The following LRP2 variants were observed in gnomAD, a reference collection of about 807,000 sequenced individuals.
LRP2 encodes the protein LDL receptor related protein 2.
Under a neutral mutation model 531.0 loss-of-function variants are expected in LRP2, and 172 were observed. That is an observed-to-expected ratio of 0.32 (90% confidence interval 0.29 to 0.37). The LOEUF is 0.37. Among genes scored for constraint, LRP2 ranks in the 10% least tolerant of loss-of-function variants. LRP2 has a pLI of 1.00. For synonymous variants in LRP2, 1,992 were observed against 2,027.6 expected (o/e 0.98, Z 0.47); for missense variants, 5,167 against 5,868.3 (o/e 0.88, Z 3.90).
chr2:169,297,095 C>G (rs73028116), intron 4 of LRP2, among the ~76,000 whole-genome samples: 2,965 of 152,232 alleles, frequency 0.019, 106 homozygotes, highest in African/African-American at 0.068. Context: ...ACTGAAAATA[C>G]CTGAAAATCT....
chr2:169,173,905 C>T lies in LRP2; in HGVS notation c.11014+14G>A, dbSNP rs757389515. 2 of 1,614,004 alleles carry T rather than the reference C, an allele frequency of 1.2e-6. No individual in the cohort carries two copies. Among genetic ancestry groups the T allele is most frequent in the Non-Finnish European group, 1.7e-6 (2 of 1,180,008 alleles). On this transcript the variant is annotated intron_variant, in intron 56 of 78. Transcript: ENST00000649046. ...CTGCTCTGGTCATGCCTTGGTCCTC[C>T]CACAGGAACTTACTGCATTCTTCAA...
At chr2:169,343,081 A>C (rs556600874) in intron 1 of LRP2, among the ~76,000 whole-genome samples, 1 of 152,294 alleles carries the variant, frequency 6.6e-6, no homozygotes, top group South Asian at 2.1e-4. Flanking sequence ...ACTCAGACCC[A>C]TGCTTCCATC....
intron 1 of LRP2, among the ~76,000 whole-genome samples, chr2:169,348,635 A>G (rs1685760178): frequency 6.6e-6 from 1 of 152,240 alleles, no homozygotes; most frequent in African/African-American, 2.4e-5. Context: ...ACTTTGGCTT[A>G]TCTTTTTGTA....
At chr2:169,340,019 A>G (rs1685521471) in intron 1 of LRP2, among the ~76,000 whole-genome samples, 1 of 152,152 alleles carries the variant, frequency 6.6e-6, no homozygotes, top group Non-Finnish European at 1.5e-5. Context: ...GTGACCCTAA[A>G]GTCAAATTCC....
Position 169,162,487 on chromosome 2 carries a change from C to T in LRP2, c.11872G>A (p.Asp3958Asn). ...GTTTACTTACTGCAACCCAGTTCAT[C>T]GGACCAGTCACCACAGTCATCGGCA... ...DDADDCGDWSDELGCNKGKER... is the reference protein window; with the variant it reads ...DDADDCGDWSNELGCNKGKER... The change falls in exon 63 of 79, where the codon GAT (aspartate) becomes AAT (asparagine). Residue 3958 changes from aspartate (D) to asparagine (N), a missense_variant. Asp to Asn is a conservative substitution (Grantham distance 23). This residue lies in a region of LRP2 where 564 missense variants were observed against 747.7 expected (regional missense o/e 0.75). Coordinates refer to ENST00000649046, the MANE Select transcript of LRP2 (RefSeq NM_004525.3). 4 of 1,614,136 alleles carry T rather than the reference C, an allele frequency of 2.5e-6. No individual in the cohort carries two copies. Among genetic ancestry groups the T allele is most frequent in the Non-Finnish European group, 3.4e-6 (4 of 1,180,000 alleles).
chr2:169,199,046 A>C (rs2105321782), intron 44 of LRP2, 135 bp from the exon 45 acceptor site: 1 of 811,058 alleles, frequency 1.2e-6, no homozygotes, highest in Admixed American at 2.1e-5. Flanking sequence ...TCAGAAAGGC[A>C]GGATCCATGA....
chr2:169,317,123 T>G (rs139246529), intron 3 of LRP2, among the ~76,000 whole-genome samples: 2 of 152,216 alleles, frequency 1.3e-5, no homozygotes, highest in East Asian at 3.8e-4. Context: ...AAATGTATAG[T>G]CATTTAAAAT....
chr2:169,153,855 T>G (rs1236870276), intron 66 of LRP2, among the ~76,000 whole-genome samples: 2 of 152,190 alleles, frequency 1.3e-5, no homozygotes, highest in African/African-American at 4.8e-5. Flanking sequence ...ATCTTTTTCC[T>G]TCATTCAACT....
chr2:169,238,008 G>T, intron 27 of LRP2, 83 bp downstream of exon 27: 2 of 1,142,324 alleles, frequency 1.8e-6, no homozygotes, highest in South Asian at 2.5e-5. Context: ...ATGAGGTAGG[G>T]CCTTCTCTCA....
rs199632175 is a variant in LRP2, at chr2:169,261,190, AT to A, written c.2321-1974del. On this transcript the variant is annotated intron_variant, in intron 16 of 78. Transcript: ENST00000649046. ...ACATGGAGTGAAGGGTAAGTTGCAT[AT>A]TTTTTAGGATGGGAGAAACTTGAGC... Among the ~76,000 whole-genome samples the A allele has an allele frequency of 3.0e-4, 45 of 152,092 alleles. No homozygotes were observed. In the East Asian group the frequency reaches 8.6e-3, roughly 29 times the overall value.
intron 12 of LRP2, 111 bp downstream of exon 12, chr2:169,279,261 G>T: frequency 1.2e-6 from 1 of 810,358 alleles, no homozygotes; most frequent in Non-Finnish European, 2.1e-6. Flanking sequence ...AGAGTATACA[G>T]CCTAAAAGAA....
At chr2:169,170,525 T>C (rs746898902) in intron 59 of LRP2, 26 bp downstream of exon 59, 8 of 1,576,176 alleles carry the variant, frequency 5.1e-6, no homozygotes, top group Admixed American at 1.7e-5. Context: ...CAAAATTCTA[T>C]GGTAAGCTTC....
At chr2:169,212,549 C>A (rs1423551693) in intron 36 of LRP2, among the ~76,000 whole-genome samples, 3 of 151,962 alleles carry the variant, frequency 2.0e-5, no homozygotes, top group Admixed American at 6.6e-5. Context: ...GTTACATGAT[C>A]AATAATGTGA....
chr2:169,198,993 T>C, intron 44 of LRP2, 82 bp from the exon 45 acceptor site: 2 of 1,465,742 alleles, frequency 1.4e-6, no homozygotes, highest in Admixed American at 3.6e-5. Context: ...AACACATCTA[T>C]TGTGGAACTC....
chr2:169,224,130 C>T (rs974229612), intron 33 of LRP2, among the ~76,000 whole-genome samples: 1 of 152,152 alleles, frequency 6.6e-6, no homozygotes, highest in Non-Finnish European at 1.5e-5. Context: ...TAGATAGGTG[C>T]TCTAAATTAG....
At chr2:169,300,613 G>A (rs1475400349) in intron 4 of LRP2, among the ~76,000 whole-genome samples, 1 of 152,092 alleles carries the variant, frequency 6.6e-6, no homozygotes, top group Non-Finnish European at 1.5e-5. Context: ...TTTAAAGATG[G>A]GGGATATTTA....
chr2:169,164,792 G>A (rs1408522492), intron 62 of LRP2, among the ~76,000 whole-genome samples: 1 of 152,144 alleles, frequency 6.6e-6, no homozygotes, highest in Non-Finnish European at 1.5e-5. Flanking sequence ...TCCTTGAAAA[G>A]AATAGAAGTT....
chr2:169,256,984 C>T, intron 18 of LRP2, 140 bp downstream of exon 18: 3 of 929,564 alleles, frequency 3.2e-6, no homozygotes, highest in South Asian at 2.6e-5. Context: ...ATATCCTTCT[C>T]CCATCACCAA....
At chr2:169,222,548 A>G (rs1321652989) in intron 33 of LRP2, among the ~76,000 whole-genome samples, 1 of 152,104 alleles carries the variant, frequency 6.6e-6, no homozygotes, top group Non-Finnish European at 1.5e-5. Context: ...TCCATGGGGG[A>G]CAAATTCCAA....
Sources: allele counts gnomAD v4.1 joint callset (sites outside exome capture counted in the v4.1 genomes callset), GRCh38; gene constraint gnomAD v4.1.1; regional missense constraint gnomAD v4.1.1; transcripts MANE v1.5; gene names NCBI Gene and HGNC (gene_info 2026-07-23, HGNC 2026-07-21).